TRMT44: variants seen among roughly 807,000 people sequenced by gnomAD.
TRMT44 encodes the protein probable tRNA (uracil-O(2)-)-methyltransferase.
Under a neutral mutation model 77.3 loss-of-function variants are expected in TRMT44, and 78 were observed. The ratio of observed to expected loss-of-function variants is 1.01; its 90% CI spans 0.84 to 1.22. The LOEUF is 1.22. TRMT44 is among the 50% of genes most tolerant of loss of function. TRMT44 has a pLI of 0.00. For synonymous variants in TRMT44, 391 were observed against 383.3 expected (o/e 1.02, Z -0.23); for missense variants, 1,090 against 964.4 (o/e 1.13, Z -1.73).
downstream of TRMT44, among the ~76,000 whole-genome samples, chr4:8,493,874 G>C (rs758186863): frequency 6.6e-6 from 1 of 151,354 alleles, no homozygotes; most frequent in Non-Finnish European, 1.5e-5. Context: ...CCACCTTCAT[G>C]GTCCTTAGTC....
intron 6 of TRMT44, chr4:8,455,052 C>T: frequency 3.6e-6 from 2 of 559,184 alleles, no homozygotes; most frequent in Non-Finnish European, 6.3e-6. Flanking sequence ...GCTGTCTCTC[C>T]CTGAGTTTGT....
chr4:8,463,857 A>G, intron 6 of TRMT44, 128 bp from the exon 7 acceptor site: 1 of 733,258 alleles, frequency 1.4e-6, no homozygotes, highest in Non-Finnish European at 2.3e-6. Flanking sequence ...GCTCTTGGTC[A>G]TGCAGCAGGT....
chr4:8,454,320 G>C, intron 5 of TRMT44: 1 of 179,052 alleles, frequency 5.6e-6, no homozygotes, highest in Non-Finnish European at 1.2e-5. Context: ...CTGCCTTGCA[G>C]GGGTGTGGGT....
the TRMT44 span, chr4:8,511,849 A>G: frequency 6.6e-6 from 1 of 152,138 alleles, no homozygotes; most frequent in African/African-American, 2.4e-5. Context: ...ATTCTAGGAG[A>G]GTCCATGTCC....
At chr4:8,480,348 C>A (rs778197219), downstream of TRMT44, among the ~76,000 whole-genome samples, 3 of 152,128 alleles carry the variant, frequency 2.0e-5, no homozygotes, top group Non-Finnish European at 2.9e-5. Context: ...TATATATTGG[C>A]GTACTTCTGG....
chr4:8,515,402 G>GC, the TRMT44 span, among the ~76,000 whole-genome samples: 1 of 152,256 alleles, frequency 6.6e-6, no homozygotes, highest in South Asian at 2.1e-4. Flanking sequence ...TCCTGGCTTT[G>GC]CCCCTGCGGC....
rs549527516 is a variant in TRMT44, at chr4:8,457,130, C to T, written c.1203+2317C>T. On this transcript the variant is annotated intron_variant, in intron 6 of 10. Coordinates refer to ENST00000389737, the MANE Select transcript of TRMT44 (RefSeq NM_152544.3). ...TTAATGCAGATGAAAGTACCCTATT[C>T]TGGAAAAAATGCCAAAAAGGAGAGA... is the stretch of plus-strand genomic sequence containing the variant. Among the ~76,000 whole-genome samples the T allele has an allele frequency of 5.9e-5, 9 of 151,604 alleles. 1 individual carries two copies. In the South Asian group the frequency reaches 1.5e-3, roughly 25 times the overall value.
exon 3 of TRMT44, chr4:8,493,447 T>C (rs1728067661): frequency 1.3e-5 from 2 of 152,172 alleles, no homozygotes; most frequent in African/African-American, 4.8e-5. Flanking sequence ...CAAGTTATCC[T>C]TAAAAACCTC....
chr4:8,453,957 C>T (rs2109112749), intron 5 of TRMT44, among the ~76,000 whole-genome samples: 1 of 152,254 alleles, frequency 6.6e-6, no homozygotes, highest in African/African-American at 2.4e-5. Context: ...GAATGAGTTT[C>T]TAATCATAAT....
chr4:8,462,375 C>A (rs1336869634), intron 6 of TRMT44, among the ~76,000 whole-genome samples: 1 of 150,878 alleles, frequency 6.6e-6, no homozygotes, highest in Non-Finnish European at 1.5e-5. Flanking sequence ...CGCACCACTG[C>A]ACGCCAGCCT....
downstream of TRMT44, among the ~76,000 whole-genome samples, chr4:8,495,722 GAGGC>G (rs1186462250): frequency 6.6e-6 from 1 of 152,218 alleles, no homozygotes; most frequent in Non-Finnish European, 1.5e-5. Flanking sequence ...ACCTGATAGT[GAGGC>G]AGGAGAATCG....
intron 2 of TRMT44, among the ~76,000 whole-genome samples, chr4:8,448,168 G>A (rs1725187587): frequency 6.6e-6 from 1 of 152,160 alleles, no homozygotes. Flanking sequence ...GCAGTCTCTG[G>A]GCACAGGTCA....
chr4:8,514,222 C>T, the TRMT44 span, among the ~76,000 whole-genome samples: 1 of 151,374 alleles, frequency 6.6e-6, no homozygotes, highest in African/African-American at 2.4e-5. Flanking sequence ...GCAGACTATG[C>T]ACCCACAGGA....
At chr4:8,459,836 G>A (rs1439713564) in intron 6 of TRMT44, among the ~76,000 whole-genome samples, 1 of 152,216 alleles carries the variant, frequency 6.6e-6, no homozygotes, top group Non-Finnish European at 1.5e-5. Context: ...GAAGGGGTGG[G>A]AGGCAGACAC....
chr4:8,463,447 A>G (rs1051002830), intron 6 of TRMT44, among the ~76,000 whole-genome samples: 1 of 152,216 alleles, frequency 6.6e-6, no homozygotes, highest in African/African-American at 2.4e-5. Context: ...CTGACAGTTT[A>G]CAAAAGGTAA....
the TRMT44 span, among the ~76,000 whole-genome samples, chr4:8,504,356 C>T: frequency 3.9e-5 from 6 of 152,152 alleles, no homozygotes; most frequent in East Asian, 9.7e-4. This position sits in a 1 kb window ranked among gnomAD's most constrained non-coding sequence, Gnocchi z 5.3. Flanking sequence ...CAGGTACCCG[C>T]GCCAGCTTTA....
chr4:8,441,930 G>A (rs1443778519), intron 1 of TRMT44, among the ~76,000 whole-genome samples: 2 of 152,234 alleles, frequency 1.3e-5, no homozygotes, highest in Non-Finnish European at 2.9e-5. Context: ...CGTTCGGGGC[G>A]AAAGGGTGAA....
chr4:8,503,275 A>G, the TRMT44 span, among the ~76,000 whole-genome samples: 1 of 152,346 alleles, frequency 6.6e-6, no homozygotes, highest in African/African-American at 2.4e-5. Flanking sequence ...CTTGCAAGGC[A>G]AGCTGTCCCC....
chr4:8,469,132 T>C (rs1357924173), intron 9 of TRMT44, among the ~76,000 whole-genome samples: 2 of 152,266 alleles, frequency 1.3e-5, no homozygotes, highest in East Asian at 3.8e-4. Flanking sequence ...ACCCGTTTCC[T>C]TCTTCATCCT....
Sources: gnomAD v4.1 joint callset for allele counts (sites outside exome capture counted in the v4.1 genomes callset) on GRCh38, gnomAD v4.1.1 for gene constraint, Gnocchi (gnomAD v3.1) non-coding constraint, MANE v1.5 for transcripts, NCBI Gene and HGNC (gene_info 2026-07-23, HGNC 2026-07-21) for gene names.